PIK3R3: variants seen among roughly 807,000 people sequenced by gnomAD.
The protein encoded by PIK3R3 is phosphoinositide-3-kinase regulatory subunit 3.
In PIK3R3, 64 loss-of-function variants were observed where a neutral mutation model predicts 62.9. The observed-to-expected ratio is 1.02, with a 90% CI of 0.83 to 1.25. The LOEUF is 1.25. Ranked by LOEUF, PIK3R3 falls within the 50% of genes most tolerant of loss-of-function variation. The pLI is 0.00. For synonymous variants in PIK3R3, 165 were observed against 189.0 expected, an observed-to-expected ratio of 0.87 and a Z score of 1.04; for missense variants, 614 against 561.6, an observed-to-expected ratio of 1.09 and a Z score of -0.94.
intron 1 of PIK3R3, among the ~76,000 whole-genome samples, chr1:46,112,985 C>T (rs576487991): frequency 4.1e-4 from 63 of 152,302 alleles, no homozygotes; most frequent in Non-Finnish European, 6.9e-4. Flanking sequence ...AGCCTCGAAG[C>T]CCACCAATCC....
chr1:46,135,339 TTTC>T (rs1655891218), upstream of PIK3R3, among the ~76,000 whole-genome samples: 1 of 152,174 alleles, frequency 6.6e-6, no homozygotes. Flanking sequence ...GCCCTCTCCC[TTTC>T]TTTTTTTAAT....
chr1:46,101,388 C>CGGGAGGCTGA (rs1557610378), intron 1 of PIK3R3, among the ~76,000 whole-genome samples: 2 of 151,796 alleles, frequency 1.3e-5, no homozygotes, highest in Non-Finnish European at 2.9e-5. Flanking sequence ...CACAGCTACT[C>CGGGAGGCTGA]GGGAGGCTGA....
intron 1 of PIK3R3, among the ~76,000 whole-genome samples, chr1:46,082,665 T>C (rs1273030407): frequency 6.6e-6 from 1 of 152,244 alleles, no homozygotes; most frequent in Non-Finnish European, 1.5e-5. Flanking sequence ...CTTTGAACTG[T>C]ACTTGTAACT....
At chr1:46,136,339 A>G (rs41378047), upstream of PIK3R3, among the ~76,000 whole-genome samples, 1,064 of 152,284 alleles carry the variant, frequency 7.0e-3, 12 homozygotes, top group African/African-American at 0.025. Context: ...GTTTTGATGG[A>G]AAAGTTTGCC....
intron 6 of PIK3R3, among the ~76,000 whole-genome samples, chr1:46,059,765 G>T (rs2149389016): frequency 6.6e-6 from 1 of 152,098 alleles, no homozygotes; most frequent in South Asian, 2.1e-4. Flanking sequence ...CTTCATTCCA[G>T]CCTGGGCAAC....
At chr1:46,083,582 T>C (rs1650799721) in intron 1 of PIK3R3, among the ~76,000 whole-genome samples, 1 of 152,190 alleles carries the variant, frequency 6.6e-6, no homozygotes, top group South Asian at 2.1e-4. Flanking sequence ...ATCCTTTCAA[T>C]TCAATAAAAG....
chr1:46,073,595 T>C (rs574763085), intron 3 of PIK3R3, among the ~76,000 whole-genome samples: 18 of 152,194 alleles, frequency 1.2e-4, no homozygotes, highest in Admixed American at 1.0e-3. Context: ...CATCCATGTT[T>C]CAGCCAACTA....
At position 46,132,004 on chromosome 1, in the gene PIK3R3, T is replaced by A; in HGVS notation, c.-52A>T. The A allele has an allele frequency of 6.3e-7, 1 of 1,586,374 alleles. No homozygotes were observed. The highest frequency in any genetic ancestry group is 1.2e-5 in the South Asian group (1 of 86,236). On this transcript the variant is annotated 5_prime_UTR_variant, in exon 1 of 10. Coordinates refer to ENST00000262741, the MANE Select transcript of PIK3R3 (RefSeq NM_003629.4). ...AGATATATAGAAGGCATATATTTTT[T>A]ATCTGGTATTTAAAAATCTAAAAAT...
At chr1:46,080,197 G>T (rs1291945630) in intron 2 of PIK3R3, among the ~76,000 whole-genome samples, 1 of 151,306 alleles carries the variant, frequency 6.6e-6, no homozygotes, top group African/African-American at 2.4e-5. Context: ...AAGTAGCTGG[G>T]ATTACAGGCG....
chr1:46,144,253 A>G, the PIK3R3 span, among the ~76,000 whole-genome samples: 2 of 152,218 alleles, frequency 1.3e-5, no homozygotes, highest in African/African-American at 4.8e-5. Flanking sequence ...AGGAAGGATG[A>G]AAGAAATGCT....
upstream of PIK3R3, chr1:46,132,994 A>T: frequency 9.3e-7 from 1 of 1,075,582 alleles, no homozygotes; most frequent in Non-Finnish European, 1.1e-6. Flanking sequence ...GAGTGGGGCG[A>T]GGGAAGAGAG....
At chr1:46,052,759 T>A (rs563783101) in intron 7 of PIK3R3, among the ~76,000 whole-genome samples, 1 of 152,282 alleles carries the variant, frequency 6.6e-6, no homozygotes, top group Non-Finnish European at 1.5e-5. Context: ...ATTCTGTATT[T>A]AAACACTCAA....
chr1:46,120,389 A>C (rs1051535166), intron 1 of PIK3R3, among the ~76,000 whole-genome samples: 1 of 152,158 alleles, frequency 6.6e-6, no homozygotes, highest in Non-Finnish European at 1.5e-5. Flanking sequence ...CATCCTGACC[A>C]ACATGGTGAA....
chr1:46,103,565 G>A (rs546848258), intron 1 of PIK3R3, among the ~76,000 whole-genome samples: 5 of 151,654 alleles, frequency 3.3e-5, no homozygotes, highest in South Asian at 2.1e-4. Context: ...GCGAGACTCC[G>A]CCTCAAAAAA....
rs113728358 is a variant in PIK3R3, at chr1:46,056,040, G to A, written c.765-69C>T. On this transcript the variant is annotated intron_variant, in intron 6 of 9. Transcript: ENST00000262741. ...CAGACAGATCCTACTGGGTGAGCAC[G>A]GTCCTAATATCCTTTTTTTTTTTCC... The A allele has an allele frequency of 4.0e-3, 3,981 of 1,006,936 alleles. 17 individuals carry two copies. Among genetic ancestry groups the A allele is most frequent in the Non-Finnish European group, 5.3e-3 (3,687 of 699,212 alleles). 62.4% of individuals were successfully genotyped at this position (1,006,936 alleles called of 1,614,324 possible).
At chr1:46,046,168 A>T in intron 8 of PIK3R3, 80 bp from the exon 9 acceptor site, 1 of 862,146 alleles carries the variant, frequency 1.2e-6, no homozygotes, top group South Asian at 1.8e-5. Context: ...CACTCTTCTA[A>T]ATCTTTAAAC....
chr1:46,124,811 A>G, intron 1 of PIK3R3, among the ~76,000 whole-genome samples: 1 of 137,456 alleles, frequency 7.3e-6, no homozygotes, highest in African/African-American at 2.8e-5. Context: ...AAAAAAAAAA[A>G]AAAAGGCCGG....
chr1:46,125,293 G>A (rs1204461111), intron 1 of PIK3R3, among the ~76,000 whole-genome samples: 2 of 151,862 alleles, frequency 1.3e-5, no homozygotes, highest in African/African-American at 4.8e-5. Context: ...CAAAAAAACT[G>A]GCATGGCTTT....
the PIK3R3 span, among the ~76,000 whole-genome samples, chr1:46,150,803 C>CTTTT: frequency 8.9e-6 from 1 of 112,782 alleles, no homozygotes; most frequent in African/African-American, 3.4e-5. Context: ...GGTAAACACT[C>CTTTT]TTTTTTTTTT....
Sources: allele counts gnomAD v4.1 joint callset (sites outside exome capture counted in the v4.1 genomes callset), GRCh38; gene constraint gnomAD v4.1.1; transcripts MANE v1.5; gene names NCBI Gene and HGNC (gene_info 2026-07-23, HGNC 2026-07-21).